The following CEACAM21 variants were observed in gnomAD, a reference collection of about 807,000 sequenced individuals.
CEACAM21 encodes the protein cell adhesion molecule CEACAM21.
Under a neutral mutation model 33.2 loss-of-function variants are expected in CEACAM21, and 38 were observed. That is an observed-to-expected ratio of 1.14 (90% CI 0.88 to 1.50). The LOEUF (loss-of-function observed/expected upper bound fraction) is 1.50. CEACAM21 is among the 40% of genes most tolerant of loss of function. The probability of loss-of-function intolerance (pLI) is 0.00; values close to 1 mark genes in which losing one functional copy is unlikely to be tolerated. For synonymous variants in CEACAM21, 156 were observed against 143.0 expected (o/e 1.09, Z -0.65); for missense variants, 385 against 364.6 (o/e 1.06, Z -0.46).
At chr19:41,576,462 G>A in intron 1 of CEACAM21, 124 bp downstream of exon 1, 1 of 1,091,702 alleles carries the variant, frequency 9.2e-7, no homozygotes, top group Non-Finnish European at 1.3e-6. Context: ...AGGGGAGAGA[G>A]CGTCTAAGGA....
chr19:41,567,682 C>T (rs1555788608), intron 2 of CEACAM21, among the ~76,000 whole-genome samples: 1 of 152,084 alleles, frequency 6.6e-6, no homozygotes. Flanking sequence ...CAAATAAAAC[C>T]GAGCACAAGT....
In CEACAM21 at chr19:41,577,408, A is replaced by T; in HGVS notation, c.273A>T (p.Pro91=). The T allele has an allele frequency of 6.2e-7, 1 of 1,614,184 alleles. No homozygotes were observed. The highest frequency in any genetic ancestry group is 8.5e-7 in the Non-Finnish European group (1 of 1,180,026). ...TAATAGACACTCACGTTAGGACTCC[A>T]GGGCCTGCATACAGCGGTCGAGAGA... ...AYVIDTHVRT[P]GPAYSGRETI... Residue 91 remains proline, a synonymous_variant, in exon 2 of 7, where the codon CCA becomes CCT. Coordinates refer to ENST00000401445, the MANE Select transcript of CEACAM21 (RefSeq NM_001098506.4).
At chr19:41,569,487 A>T (rs1415259318) in intron 2 of CEACAM21, among the ~76,000 whole-genome samples, 2 of 152,090 alleles carry the variant, frequency 1.3e-5, no homozygotes, top group African/African-American at 4.8e-5. Flanking sequence ...AAGTGTTGGG[A>T]TTACAGCTGA....
chr19:41,585,894 C>A (rs1555795289), intron 6 of CEACAM21, 23 bp downstream of exon 6: 1 of 1,611,950 alleles, frequency 6.2e-7, no homozygotes, highest in South Asian at 1.1e-5. Flanking sequence ...GTTCCCAATC[C>A]CATTTCCACT....
At chr19:41,567,585 C>T (rs1377459789) in intron 2 of CEACAM21, among the ~76,000 whole-genome samples, 2 of 152,208 alleles carry the variant, frequency 1.3e-5, no homozygotes, top group Non-Finnish European at 2.9e-5. Flanking sequence ...ATCCTGAATT[C>T]AACCCAGTTT....
intron 1 of CEACAM21, chr19:41,554,834 AAT>A (rs1195505020): frequency 6.6e-6 from 1 of 152,106 alleles, no homozygotes; most frequent in Non-Finnish European, 1.5e-5. Flanking sequence ...AACTTTAGTC[AAT>A]ATGTTTACAC....
intron 1 of CEACAM21, among the ~76,000 whole-genome samples, chr19:41,562,119 A>C (rs2041919751): frequency 6.6e-6 from 1 of 152,086 alleles, no homozygotes; most frequent in Non-Finnish European, 1.5e-5. Context: ...GGTGACAGGC[A>C]CCTGTAATCC....
intron 1 of CEACAM21, among the ~76,000 whole-genome samples, chr19:41,563,751 G>C (rs2042054989): frequency 6.6e-6 from 1 of 152,246 alleles, no homozygotes; most frequent in African/African-American, 2.4e-5. Context: ...TGAGTGAAGG[G>C]CAAGGGGGTG....
At chr19:41,584,081 G>A (rs2070523509) in intron 3 of CEACAM21, among the ~76,000 whole-genome samples, 1 of 152,030 alleles carries the variant, frequency 6.6e-6, no homozygotes, top group South Asian at 2.1e-4. Context: ...GAGGAAGGAG[G>A]GACTAAAAAA....
intron 2 of CEACAM21, among the ~76,000 whole-genome samples, chr19:41,565,789 C>A (rs1358467430): frequency 1.3e-5 from 2 of 151,916 alleles, no homozygotes; most frequent in African/African-American, 4.8e-5. Flanking sequence ...CAACCAGTGG[C>A]AAAATAGGAA....
At chr19:41,584,842 G>A (rs539686052) in intron 4 of CEACAM21, among the ~76,000 whole-genome samples, 2 of 152,218 alleles carry the variant, frequency 1.3e-5, no homozygotes, top group Non-Finnish European at 2.9e-5. Context: ...CAGCCTGGAC[G>A]GGCTGGGTGG....
At chr19:41,560,842 G>C (rs782747915) in intron 1 of CEACAM21, among the ~76,000 whole-genome samples, 9 of 152,140 alleles carry the variant, frequency 5.9e-5, no homozygotes, top group Non-Finnish European at 1.0e-4. Flanking sequence ...ATCTAAAAAA[G>C]AGCGTCTACA....
At chr19:41,569,083 G>A (rs1322071183) in intron 2 of CEACAM21, among the ~76,000 whole-genome samples, 1 of 152,154 alleles carries the variant, frequency 6.6e-6, no homozygotes, top group African/African-American at 2.4e-5. Flanking sequence ...TTTAGCAGTA[G>A]ATAGCTAAGA....
intron 6 of CEACAM21, 199 bp downstream of exon 6, chr19:41,586,070 C>T (rs934689329): frequency 6.4e-6 from 4 of 623,718 alleles, no homozygotes; most frequent in East Asian, 5.5e-5. Flanking sequence ...CCCTGGGACC[C>T]TCCATCACCT....
At chr19:41,583,366 T>C (rs1374838093) in intron 3 of CEACAM21, among the ~76,000 whole-genome samples, 1 of 152,224 alleles carries the variant, frequency 6.6e-6, no homozygotes, top group Non-Finnish European at 1.5e-5. Flanking sequence ...TTTTCCTGTG[T>C]CTTCTTCTGA....
chr19:41,573,413 T>C (rs1444379561), upstream of CEACAM21, among the ~76,000 whole-genome samples: 3 of 152,106 alleles, frequency 2.0e-5, no homozygotes, highest in Non-Finnish European at 4.4e-5. Context: ...CACTCCTGAC[T>C]CAAGGCCCAG....
intron 1 of CEACAM21, among the ~76,000 whole-genome samples, chr19:41,562,822 G>C (rs1231156168): frequency 6.6e-6 from 1 of 151,906 alleles, no homozygotes; most frequent in African/African-American, 2.4e-5. Flanking sequence ...TCCACCTCCC[G>C]GGTTCACGCC....
chr19:41,569,690 G>A (rs2042481140), intron 2 of CEACAM21, among the ~76,000 whole-genome samples: 1 of 152,154 alleles, frequency 6.6e-6, no homozygotes. Context: ...TCCCATGCCT[G>A]CTTTGCCCCA....
At chr19:41,552,574 C>A (rs1555784623) in intron 1 of CEACAM21, among the ~76,000 whole-genome samples, 1 of 152,140 alleles carries the variant, frequency 6.6e-6, no homozygotes, top group Non-Finnish European at 1.5e-5. Flanking sequence ...TGAAATCTGG[C>A]CTGCCACAAT....
Sources: gnomAD v4.1 joint callset for allele counts (sites outside exome capture counted in the v4.1 genomes callset) on GRCh38, gnomAD v4.1.1 for gene constraint, MANE v1.5 for transcripts, NCBI Gene and HGNC (gene_info 2026-07-23, HGNC 2026-07-21) for gene names.